Variants in CSMD3 observed in about 807,000 individuals in gnomAD.
CSMD3 encodes the protein CUB and Sushi multiple domains 3.
CSMD3 carries 177 observed loss-of-function variants against 435.2 expected under a neutral mutation model. That is an observed-to-expected ratio of 0.41 (90% CI 0.36 to 0.46). The LOEUF is 0.46. Ranked by LOEUF, CSMD3 falls within the 20% of genes least tolerant of loss-of-function variation. The pLI, the probability that CSMD3 is intolerant of heterozygous loss-of-function variation, is 0.34. For synonymous variants in CSMD3, 1,656 were observed against 1,520.5 expected, an observed-to-expected ratio of 1.09 and a Z score of -2.07; for missense variants, 4,265 against 4,504.6, an observed-to-expected ratio of 0.95 and a Z score of 1.52.
At chr8:113,338,670 T>C (rs568743853) in intron 1 of CSMD3, among the ~76,000 whole-genome samples, 3 of 152,084 alleles carry the variant, frequency 2.0e-5, no homozygotes, top group South Asian at 2.1e-4. Flanking sequence ...ATGTCCAGAA[T>C]AGGCAAATCT....
At chr8:113,404,714 C>T (rs1264395141) in intron 1 of CSMD3, among the ~76,000 whole-genome samples, 1 of 151,316 alleles carries the variant, frequency 6.6e-6, no homozygotes, top group African/African-American at 2.4e-5. Context: ...ATGTACACTC[C>T]TGTGTATCTG....
chr8:112,466,534 A>G (rs1166476609), intron 32 of CSMD3, among the ~76,000 whole-genome samples: 1 of 152,232 alleles, frequency 6.6e-6, no homozygotes. Flanking sequence ...TCATTAATAC[A>G]TATCCAAGTC....
In CSMD3 at chr8:112,550,867, C is replaced by T. The variant is rs376439939; in HGVS notation, c.4368G>A (p.Gln1456=). ...EVDPGNIVSL[Q]FLAFDTEASH... ...ATGCTTCCGTATCAAAAGCAAGAAA[C>T]TGCAAGCTGTGGGAGAACCATATTT... The change falls in exon 27 of 71, where the codon CAG becomes CAA. Residue 1456 remains glutamine, a synonymous_variant. Transcript: ENST00000297405. The T allele has an allele frequency of 6.2e-6, 10 of 1,607,818 alleles. No homozygotes were observed. The highest frequency in any genetic ancestry group is 4.0e-5 in the African/African-American group (3 of 74,732).
chr8:113,208,155 T>A (rs2092792312), intron 3 of CSMD3, among the ~76,000 whole-genome samples: 1 of 152,200 alleles, frequency 6.6e-6, no homozygotes, highest in South Asian at 2.1e-4. Context: ...AATGAAACCT[T>A]ACAGGAAAAT....
At chr8:112,812,031 C>A (rs1404533898) in intron 12 of CSMD3, among the ~76,000 whole-genome samples, 1 of 152,040 alleles carries the variant, frequency 6.6e-6, no homozygotes, top group Non-Finnish European at 1.5e-5. Flanking sequence ...AGTAGTCAGA[C>A]ATGAGCAGGG....
intron 10 of CSMD3, among the ~76,000 whole-genome samples, chr8:112,914,479 C>T (rs2082518199): frequency 6.6e-6 from 1 of 151,568 alleles, no homozygotes; most frequent in Non-Finnish European, 1.5e-5. Context: ...ATTTACCTAG[C>T]TCCACAAAAA....
At chr8:112,466,739 T>C (rs1257571712) in intron 32 of CSMD3, among the ~76,000 whole-genome samples, 1 of 152,162 alleles carries the variant, frequency 6.6e-6, no homozygotes, top group Non-Finnish European at 1.5e-5. Flanking sequence ...AAAGATGTGA[T>C]ATTGCAAAAA....
At chr8:112,827,561 A>G (rs1009972030) in intron 12 of CSMD3, among the ~76,000 whole-genome samples, 24 of 152,278 alleles carry the variant, frequency 1.6e-4, no homozygotes, top group African/African-American at 5.5e-4. Context: ...ATGTGATAGG[A>G]TCTAACAAAC....
rs1245244494 is a variant in CSMD3 at position 112,382,905 on chromosome 8, C to T, written c.6031+662G>A. Among the ~76,000 whole-genome samples the T allele has an allele frequency of 6.6e-5, 10 of 152,202 alleles. No homozygotes were observed. The South Asian group carries it at 1.5e-3, about 22-fold the overall frequency. ...ACTCTGGAGGCTGAGGCAGGAGAATCGCTTGGACCCAGGAGGCAGAGGTTG... is the reference window on the plus strand; with the variant it reads ...ACTCTGGAGGCTGAGGCAGGAGAATTGCTTGGACCCAGGAGGCAGAGGTTG... On this transcript the variant is annotated intron_variant, in intron 37 of 70. Coordinates refer to ENST00000297405, the MANE Select transcript of CSMD3 (RefSeq NM_198123.2).
intron 37 of CSMD3, among the ~76,000 whole-genome samples, chr8:112,382,785 T>A (rs1428892956): frequency 1.3e-5 from 2 of 152,134 alleles, no homozygotes; most frequent in Non-Finnish European, 2.9e-5. Context: ...AAGTCAGAAG[T>A]TCACGACCCG....
chr8:112,953,105 C>T (rs945858984), intron 8 of CSMD3, among the ~76,000 whole-genome samples: 3 of 151,508 alleles, frequency 2.0e-5, no homozygotes, highest in South Asian at 4.1e-4. Context: ...AAATAACATA[C>T]GTGTAGACAA....
chr8:112,244,624 A>T (rs375604336), intron 64 of CSMD3, 51 bp from the exon 65 acceptor site: 57 of 1,482,302 alleles, frequency 3.8e-5, no homozygotes, highest in Non-Finnish European at 4.8e-5. Context: ...ATGTTAAGAA[A>T]AATTTGAGAC....
intron 1 of CSMD3, among the ~76,000 whole-genome samples, chr8:113,356,101 C>T (rs1183097454): frequency 1.3e-5 from 2 of 151,692 alleles, no homozygotes; most frequent in African/African-American, 4.8e-5. Flanking sequence ...CTCTTCATCC[C>T]CTTTGCATGT....
Position 112,224,941 on chromosome 8 carries a change from G to C in CSMD3, c.10965-11C>G, listed in dbSNP as rs1412453345. 9.3e-6 allele frequency: 15 copies of C among 1,613,190 alleles called. No homozygotes were observed. The highest frequency in any genetic ancestry group is 8.3e-5 in the Admixed American group (5 of 59,978). On this transcript the variant is annotated splice_polypyrimidine_tract_variant and intron_variant, in intron 70 of 70. Coordinates refer to ENST00000297405, the MANE Select transcript of CSMD3 (RefSeq NM_198123.2). ...GTTTTAGGTGCAGTCCTGTTGATGAGAACATTGATTAGCTATGTGTTAACT... is the reference window on the plus strand; with the variant it reads ...GTTTTAGGTGCAGTCCTGTTGATGACAACATTGATTAGCTATGTGTTAACT...
At position 112,528,524 on chromosome 8, in the gene CSMD3, C is replaced by A. The variant is rs150566965; in HGVS notation, c.4565-11299G>T. On this transcript the variant is annotated intron_variant, in intron 27 of 70. Coordinates refer to ENST00000297405, the MANE Select transcript of CSMD3 (RefSeq NM_198123.2). ...CAGTGATAAATTGAATACCAAGGAG[C>A]ACTTTAATTTAGGAAATAATTCCAA... 5.9e-3 allele frequency among the ~76,000 whole-genome samples: 905 copies of A among 152,134 alleles called. 9 individuals are homozygous for A. Among genetic ancestry groups the A allele is most frequent in the African/African-American group, 0.021 (877 of 41,514 alleles).
chr8:112,878,985 G>A (rs746603297), intron 10 of CSMD3, among the ~76,000 whole-genome samples: 1 of 152,078 alleles, frequency 6.6e-6, no homozygotes, highest in African/African-American at 2.4e-5. Flanking sequence ...TGCACAAATT[G>A]TTCATAAAGC....
chr8:112,662,471 T>A (rs1211104034), intron 17 of CSMD3, among the ~76,000 whole-genome samples: 2 of 152,058 alleles, frequency 1.3e-5, no homozygotes, highest in Admixed American at 6.6e-5. Context: ...GCTAGCCATA[T>A]GTAGAAAGCT....
At chr8:112,858,459 A>T (rs1344666972) in intron 11 of CSMD3, among the ~76,000 whole-genome samples, 2 of 151,768 alleles carry the variant, frequency 1.3e-5, no homozygotes, top group Non-Finnish European at 3.0e-5. Context: ...GAGAGAAATG[A>T]TGATTTTTCC....
chr8:113,111,254 G>A (rs561362041), intron 4 of CSMD3, among the ~76,000 whole-genome samples: 1 of 152,046 alleles, frequency 6.6e-6, no homozygotes, highest in African/African-American at 2.4e-5. Flanking sequence ...ATATATTTAT[G>A]GGGTACAGCG....
Sources: allele counts gnomAD v4.1 joint callset (sites outside exome capture counted in the v4.1 genomes callset), GRCh38; gene constraint gnomAD v4.1.1; transcripts MANE v1.5; gene names NCBI Gene and HGNC (gene_info 2026-07-23, HGNC 2026-07-21).